Variants in TPX2 observed in about 807,000 individuals in gnomAD.
TPX2 encodes targeting protein for Xklp2.
Under a neutral mutation model 93.6 loss-of-function variants are expected in TPX2, and 21 were observed. The ratio of observed to expected loss-of-function variants is 0.22; its 90% confidence interval spans 0.16 to 0.32. The LOEUF (loss-of-function observed/expected upper bound fraction) is 0.32, where lower values mean the gene tolerates loss of function less well. TPX2 is among the 10% of genes least tolerant of loss of function. TPX2 has a pLI of 1.00. For missense variants in TPX2, 776 were observed against 871.1 expected (o/e 0.89, Z 1.37); for synonymous variants, 281 against 298.3 (o/e 0.94, Z 0.60).
chr20:31,782,514 C>G, intron 11 of TPX2, 124 bp downstream of exon 11: 1 of 1,242,220 alleles, frequency 8.1e-7, no homozygotes, highest in Middle Eastern at 2.8e-4. Flanking sequence ...GAGTAGTAGG[C>G]TCTGCAGGCT....
At chr20:31,773,555 G>A (rs2061977678) in intron 7 of TPX2, among the ~76,000 whole-genome samples, 2 of 152,300 alleles carry the variant, frequency 1.3e-5, no homozygotes, top group African/African-American at 2.4e-5. Context: ...GCCTCTCAAA[G>A]TGCTGGGTAT....
intron 10 of TPX2, among the ~76,000 whole-genome samples, 187 bp from the exon 11 acceptor site, chr20:31,782,062 A>G (rs904505434): frequency 6.6e-6 from 1 of 152,196 alleles, no homozygotes; most frequent in African/African-American, 2.4e-5. Context: ...ATACCCCTCA[A>G]TAAAAGAGGA....
chr20:31,781,451 G>A (rs1568597917), intron 10 of TPX2, among the ~76,000 whole-genome samples: 1 of 151,462 alleles, frequency 6.6e-6, no homozygotes, highest in Non-Finnish European at 1.5e-5. Flanking sequence ...ATTTTTAATA[G>A]AGACGGGATT....
At chr20:31,777,778 ATCT>A in intron 9 of TPX2, 140 bp downstream of exon 9, 1 of 869,992 alleles carries the variant, frequency 1.1e-6, no homozygotes. Context: ...AATATAACAG[ATCT>A]TTTTTTTTTT....
chr20:31,766,844 A>G (rs909545381), intron 5 of TPX2, among the ~76,000 whole-genome samples, 162 bp downstream of exon 5: 8 of 127,004 alleles, frequency 6.3e-5, no homozygotes, highest in African/African-American at 2.5e-4. Flanking sequence ...TCTTTTGCCC[A>G]GGCTGGAGTG....
intron 2 of TPX2, among the ~76,000 whole-genome samples, 163 bp from the exon 3 acceptor site, chr20:31,757,244 A>G (rs1284000011): frequency 6.6e-6 from 1 of 152,082 alleles, no homozygotes; most frequent in Non-Finnish European, 1.5e-5. Context: ...TACCTCAAGG[A>G]GTATCTTTAA....
intron 5 of TPX2, among the ~76,000 whole-genome samples, chr20:31,767,788 G>T (rs1489654434): frequency 6.6e-6 from 1 of 152,240 alleles, no homozygotes; most frequent in South Asian, 2.1e-4. Flanking sequence ...TCGAGCTCAA[G>T]CAATCCACCC....
At chr20:31,739,804 A>G (rs553729148) in intron 1 of TPX2, among the ~76,000 whole-genome samples, 183 bp downstream of exon 1, 1 of 152,320 alleles carries the variant, frequency 6.6e-6, no homozygotes, top group South Asian at 2.1e-4. Flanking sequence ...CAGAATCTAG[A>G]TAAATTTCGA....
Position 31,801,123 on chromosome 20 carries a change from C to T in TPX2, c.*43C>T, listed in dbSNP as rs1166933337. ...GGATACCGCCCGGCAATGGGACCTG[C>T]TCTTAACCTCAAACCTAGGACCGTC... On this transcript the variant is annotated 3_prime_UTR_variant, in exon 18 of 18. Coordinates refer to ENST00000300403, the MANE Select transcript of TPX2 (RefSeq NM_012112.5). The T allele has an allele frequency of 7.1e-6, 11 of 1,548,550 alleles. No homozygotes were observed. Among genetic ancestry groups the T allele is most frequent in the African/African-American group, 1.4e-5 (1 of 73,598 alleles).
Position 31,775,848 on chromosome 20 carries a change from T to G in TPX2, c.609-19T>G. The stretch of plus-strand genomic sequence containing the variant: ...CCTTTCTCCTCTCCTCTCTTCTCAT[T>G]TACTGATTTTCTCTTTAGGCAGAAG... On this transcript the variant is annotated intron_variant, in intron 7 of 17. Transcript: ENST00000300403. 1 of 1,538,222 alleles carries G rather than the reference T, an allele frequency of 6.5e-7. No homozygotes were observed. The highest frequency in any genetic ancestry group is 1.4e-5 in the African/African-American group (1 of 72,322).
chr20:31,781,854 G>A (rs912994820), intron 10 of TPX2, among the ~76,000 whole-genome samples: 1 of 151,872 alleles, frequency 6.6e-6, no homozygotes, highest in Admixed American at 6.5e-5. Flanking sequence ...GAGGTGGGAA[G>A]ATCACCTGAG....
intron 15 of TPX2, among the ~76,000 whole-genome samples, chr20:31,797,090 C>T (rs1600396331): frequency 6.8e-6 from 1 of 147,532 alleles, no homozygotes; most frequent in Non-Finnish European, 1.5e-5. Flanking sequence ...TACCCTAAAA[C>T]TTAAAGTATA....
intron 12 of TPX2, among the ~76,000 whole-genome samples, chr20:31,784,325 C>T (rs2062052178): frequency 1.3e-5 from 2 of 152,170 alleles, no homozygotes; most frequent in Non-Finnish European, 2.9e-5. Context: ...GCCAGGACTG[C>T]TCTAAGCCCT....
At chr20:31,744,861 C>A (rs2061774628) in intron 2 of TPX2, among the ~76,000 whole-genome samples, 1 of 152,120 alleles carries the variant, frequency 6.6e-6, no homozygotes, top group Admixed American at 6.5e-5. Context: ...CTGAGGCGGG[C>A]AGATCACCTG....
intron 2 of TPX2, among the ~76,000 whole-genome samples, chr20:31,755,139 A>G (rs1252126169): frequency 6.6e-6 from 1 of 152,206 alleles, no homozygotes; most frequent in African/African-American, 2.4e-5. Context: ...TAGTAGAGAC[A>G]GGGTTTCACC....
intron 2 of TPX2, among the ~76,000 whole-genome samples, chr20:31,745,135 C>T (rs946318813): frequency 3.3e-5 from 5 of 152,158 alleles, no homozygotes; most frequent in African/African-American, 1.2e-4. Flanking sequence ...TGACATGTAA[C>T]ACCAAATTGC....
intron 5 of TPX2, 112 bp downstream of exon 5, chr20:31,766,794 A>ATT: frequency 1.3e-6 from 1 of 795,824 alleles, no homozygotes. Context: ...CCTTTATGTT[A>ATT]CTTTTTTTTT....
At chr20:31,785,223 A>G (rs944392700) in intron 12 of TPX2, among the ~76,000 whole-genome samples, 4 of 151,702 alleles carry the variant, frequency 2.6e-5, no homozygotes, top group South Asian at 4.1e-4. Context: ...CATATGTACT[A>G]TATGCCAAGC....
chr20:31,780,911 T>G (rs1397077015), intron 10 of TPX2: 6 of 396,260 alleles, frequency 1.5e-5, no homozygotes, highest in Non-Finnish European at 2.9e-5. Flanking sequence ...ATTTATTTAT[T>G]TATTTTCCTT....
Sources: allele counts gnomAD v4.1 joint callset (sites outside exome capture counted in the v4.1 genomes callset), GRCh38; gene constraint gnomAD v4.1.1; transcripts MANE v1.5; gene names NCBI Gene and HGNC (gene_info 2026-07-23, HGNC 2026-07-21).